Variants in FBXL13 observed in about 807,000 individuals in gnomAD.
The protein encoded by FBXL13 is F-box and leucine-rich repeat protein 13.
In FBXL13, 67 loss-of-function variants were observed where a neutral mutation model predicts 83.6. That is an observed-to-expected ratio of 0.80 (90% CI 0.66 to 0.98). The LOEUF is 0.98. FBXL13 is among the 50% of genes least tolerant of loss of function. The pLI is 0.00. For missense variants in FBXL13, 822 were observed against 866.5 expected, an observed-to-expected ratio of 0.95 and a Z score of 0.64; for synonymous variants, 272 against 299.5, an observed-to-expected ratio of 0.91 and a Z score of 0.95.
intron 10 of FBXL13, among the ~76,000 whole-genome samples, chr7:102,914,089 T>C (rs2129469219): frequency 6.6e-6 from 1 of 152,264 alleles, no homozygotes; most frequent in East Asian, 1.9e-4. Flanking sequence ...GAGACGAAGT[T>C]TCGCTCTTGT....
chr7:102,984,109 G>C (rs2129483753), intron 6 of FBXL13, among the ~76,000 whole-genome samples: 1 of 152,144 alleles, frequency 6.6e-6, no homozygotes, highest in African/African-American at 2.4e-5. Context: ...GGAGATATTT[G>C]GCATATCTCT....
chr7:103,038,124 C>T (rs950026683), intron 2 of FBXL13, among the ~76,000 whole-genome samples: 9 of 152,210 alleles, frequency 5.9e-5, no homozygotes, highest in African/African-American at 2.2e-4. Context: ...ACAGTCTTCG[C>T]AACCTGCAGA....
chr7:102,859,037 T>C (rs926469260), intron 16 of FBXL13, among the ~76,000 whole-genome samples: 1 of 152,074 alleles, frequency 6.6e-6, no homozygotes, highest in African/African-American at 2.4e-5. Flanking sequence ...AAAAGATTGA[T>C]GTAATAATTG....
intron 17 of FBXL13, among the ~76,000 whole-genome samples, chr7:102,851,973 G>A (rs1482297643): frequency 6.6e-6 from 1 of 152,152 alleles, no homozygotes; most frequent in Non-Finnish European, 1.5e-5. Flanking sequence ...TAGGAAGTAT[G>A]TTTGAGTAAC....
chr7:102,898,890 A>AT (rs1812615678), intron 11 of FBXL13, among the ~76,000 whole-genome samples: 1 of 151,948 alleles, frequency 6.6e-6, no homozygotes, highest in Non-Finnish European at 1.5e-5. Flanking sequence ...GTATTCTTTT[A>AT]TTTTTATTTA....
intron 17 of FBXL13, among the ~76,000 whole-genome samples, chr7:102,853,067 T>C (rs1042560091): frequency 6.6e-6 from 1 of 152,140 alleles, no homozygotes; most frequent in Non-Finnish European, 1.5e-5. Context: ...GTGGAGTAAC[T>C]CAGTAATGGA....
intron 11 of FBXL13, among the ~76,000 whole-genome samples, chr7:102,903,553 G>T (rs1388790364): frequency 2.0e-5 from 3 of 152,156 alleles, no homozygotes; most frequent in East Asian, 3.9e-4. Context: ...CTGTGGGCCT[G>T]TCATACATTG....
Position 102,933,999 on chromosome 7 carries a change from G to A in FBXL13, c.725-2066C>T, listed in dbSNP as rs750122141. On this transcript the variant is annotated intron_variant, in intron 8 of 19. Transcript: ENST00000313221. The stretch of plus-strand genomic sequence containing the variant: ...GCAAGCCCAGGCAGTGTGAGAAGCC[G>A]AGTGAATCATGGCCGGGCGGGTGGA... 1.1e-5 allele frequency: 18 copies of A among 1,614,004 alleles called. 1 individual carries two copies. The highest frequency in any genetic ancestry group is 6.6e-5 in the South Asian group (6 of 91,070).
At chr7:102,925,020 A>C (rs1817843181) in intron 10 of FBXL13, among the ~76,000 whole-genome samples, 1 of 152,216 alleles carries the variant, frequency 6.6e-6, no homozygotes, top group Non-Finnish European at 1.5e-5. Context: ...CTTTCACAAT[A>C]GTTTGAGAAA....
At chr7:102,879,310 A>G (rs576254117) in intron 14 of FBXL13, among the ~76,000 whole-genome samples, 1 of 152,144 alleles carries the variant, frequency 6.6e-6, no homozygotes, top group African/African-American at 2.4e-5. Flanking sequence ...CAAAGAACTG[A>G]GCAGTTAAGG....
chr7:103,029,292 C>T lies in FBXL13; in HGVS notation c.68+59G>A, dbSNP rs971343274. The stretch of plus-strand genomic sequence containing the variant: ...GGCCAAAAGTGAATTTTTCTTTGCA[C>T]GGAGAATATCAAGAATAAAAACTCA... On this transcript the variant is annotated intron_variant, in intron 3 of 19. Transcript: ENST00000313221. 68 of 1,072,520 alleles carry T rather than the reference C, an allele frequency of 6.3e-5. 1 individual carries two copies. Among genetic ancestry groups the T allele is most frequent in the Admixed American group, 1.0e-4 (4 of 38,492 alleles). 66.4% of individuals were successfully genotyped at this position (1,072,520 alleles called of 1,614,324 possible).
At chr7:103,041,712 T>C (rs1795722145) in intron 2 of FBXL13, among the ~76,000 whole-genome samples, 1 of 152,128 alleles carries the variant, frequency 6.6e-6, no homozygotes, top group Non-Finnish European at 1.5e-5. Context: ...ACAGAACCAA[T>C]GACAAAAACC....
chr7:102,877,720 AAAGT>A (rs1809461974), intron 15 of FBXL13, 127 bp from the exon 17 acceptor site: 2 of 878,694 alleles, frequency 2.3e-6, no homozygotes, highest in African/African-American at 1.8e-5. Context: ...ACTCAACATA[AAAGT>A]AAGACTAAAA....
At position 103,038,502 on chromosome 7, in the gene FBXL13, T is replaced by C. The variant is rs573496128; in HGVS notation, c.1-9084A>G. 6.6e-5 allele frequency among the ~76,000 whole-genome samples: 10 copies of C among 152,332 alleles called. No homozygotes were observed. In the South Asian group the frequency reaches 2.1e-3, roughly 32 times the overall value. ...GTTCAAGCTCTGAGAATGGACAGAC[T>C]GCCTCCTCAAGCAGGTCCCTGACCC... On this transcript the variant is annotated intron_variant, in intron 2 of 19. Coordinates refer to ENST00000313221, the Ensembl canonical transcript of FBXL13.
At chr7:103,017,695 G>A (rs966857633) in intron 6 of FBXL13, among the ~76,000 whole-genome samples, 1 of 152,182 alleles carries the variant, frequency 6.6e-6, no homozygotes, top group Non-Finnish European at 1.5e-5. Context: ...TTCAGTAGCT[G>A]ATTCCATCAA....
At chr7:102,875,942 G>A (rs1326061975) in intron 16 of FBXL13, among the ~76,000 whole-genome samples, 2 of 152,164 alleles carry the variant, frequency 1.3e-5, no homozygotes, top group South Asian at 2.1e-4. Context: ...ACCCTGGAAT[G>A]TCCCTTCTAC....
At chr7:102,968,562 G>C (rs904769262) in intron 6 of FBXL13, among the ~76,000 whole-genome samples, 2 of 152,164 alleles carry the variant, frequency 1.3e-5, no homozygotes, top group Admixed American at 6.5e-5. Flanking sequence ...AGGATTTCTG[G>C]GAAAGAGCAA....
chr7:102,859,944 T>C (rs1806559346), intron 16 of FBXL13, among the ~76,000 whole-genome samples: 1 of 152,196 alleles, frequency 6.6e-6, no homozygotes, highest in Non-Finnish European at 1.5e-5. Flanking sequence ...ACAGGAATCC[T>C]GGGGAGCACT....
chr7:102,881,854 T>G (rs2129458762), intron 14 of FBXL13, among the ~76,000 whole-genome samples: 1 of 152,340 alleles, frequency 6.6e-6, no homozygotes, highest in East Asian at 1.9e-4. Context: ...GGCCCTTGGC[T>G]GGAGCCCTCA....
Sources: gnomAD v4.1 joint callset for allele counts (sites outside exome capture counted in the v4.1 genomes callset) on GRCh38, gnomAD v4.1.1 for gene constraint, MANE v1.5 for transcripts, NCBI Gene and HGNC (gene_info 2026-07-23, HGNC 2026-07-21) for gene names.